The following STXBP6 variants were observed in gnomAD, a reference collection of about 807,000 sequenced individuals.
The protein encoded by STXBP6 is syntaxin binding protein 6, also known as syntaxin-binding protein 6.
A neutral mutation model predicts 26.9 loss-of-function variants in STXBP6; 21 were observed. The observed-to-expected ratio is 0.78, with a 90% CI of 0.55 to 1.12. The LOEUF is 1.12. STXBP6 is among the 50% of genes most tolerant of loss of function. The pLI is 0.00. For synonymous variants in STXBP6, 97 were observed against 92.6 expected, an observed-to-expected ratio of 1.05 and a Z score of -0.27; for missense variants, 232 against 257.9, an observed-to-expected ratio of 0.90 and a Z score of 0.69.
chr14:24,864,954 C>T (rs12878069), intron 2 of STXBP6, among the ~76,000 whole-genome samples: 24,161 of 152,056 alleles, frequency 0.16, 2,336 homozygotes, highest in Non-Finnish European at 0.23. Context: ...CTACTGTGTT[C>T]GACTGGGGAG....
intron 2 of STXBP6, among the ~76,000 whole-genome samples, chr14:24,967,604 C>T (rs1432552031): frequency 2.0e-5 from 3 of 152,210 alleles, no homozygotes; most frequent in African/African-American, 7.2e-5. Context: ...AACTCACAAT[C>T]AAGGCACTGA....
intron 1 of STXBP6, among the ~76,000 whole-genome samples, chr14:24,982,233 T>C (rs2074213863): frequency 6.6e-6 from 1 of 152,208 alleles, no homozygotes; most frequent in African/African-American, 2.4e-5. Context: ...CATATTCTTT[T>C]TTCAACTCCA....
intron 2 of STXBP6, among the ~76,000 whole-genome samples, chr14:24,864,386 C>T (rs1028505778): frequency 6.6e-6 from 1 of 152,102 alleles, no homozygotes; most frequent in African/African-American, 2.4e-5. Flanking sequence ...GCATATTTTA[C>T]CTAGAAGAGC....
At chr14:24,956,564 G>A (rs1462404303) in intron 2 of STXBP6, among the ~76,000 whole-genome samples, 2 of 152,134 alleles carry the variant, frequency 1.3e-5, no homozygotes, top group Admixed American at 1.3e-4. Flanking sequence ...CTCAGCTTAA[G>A]CCATCCCCAT....
chr14:24,969,046 T>G (rs1251428200), intron 2 of STXBP6, among the ~76,000 whole-genome samples: 2 of 152,114 alleles, frequency 1.3e-5, no homozygotes, highest in African/African-American at 4.8e-5. Context: ...ATCACTGAAA[T>G]AAAGGGCAGT....
At chr14:24,941,797 T>G (rs1020036288) in intron 2 of STXBP6, among the ~76,000 whole-genome samples, 23 of 152,194 alleles carry the variant, frequency 1.5e-4, no homozygotes, top group African/African-American at 5.5e-4. Flanking sequence ...GAGAGTGCCA[T>G]TGCATGTTCT....
At chr14:24,818,801 CAAGGTCAG>C in intron 5 of STXBP6, among the ~76,000 whole-genome samples, 1 of 152,188 alleles carries the variant, frequency 6.6e-6, no homozygotes, top group South Asian at 2.1e-4. Context: ...CCTAAAGATC[CAAGGTCAG>C]AAGGTCAGAG....
chr14:25,039,160 A>T (rs1463167980), intron 1 of STXBP6, among the ~76,000 whole-genome samples: 1 of 152,248 alleles, frequency 6.6e-6, no homozygotes, highest in East Asian at 1.9e-4. Flanking sequence ...TTAAAAATAA[A>T]TACAAAATTT....
At chr14:24,855,438 T>C (rs775257967) in intron 4 of STXBP6, among the ~76,000 whole-genome samples, 1 of 152,080 alleles carries the variant, frequency 6.6e-6, no homozygotes, top group Non-Finnish European at 1.5e-5. Context: ...AGTGGCTTAC[T>C]GTACTCATCC....
intron 1 of STXBP6, among the ~76,000 whole-genome samples, chr14:25,012,609 A>C (rs985488828): frequency 2.2e-4 from 34 of 152,320 alleles, no homozygotes; most frequent in East Asian, 1.3e-3. Context: ...CAAAAACAAA[A>C]AAACAAACAA....
chr14:24,889,984 G>A (rs2070734274), intron 2 of STXBP6, among the ~76,000 whole-genome samples: 2 of 152,198 alleles, frequency 1.3e-5, no homozygotes, highest in African/African-American at 4.8e-5. Flanking sequence ...ACTGCCTCCT[G>A]AAGTGGCAAA....
chr14:24,876,812 T>C (rs1246436578), intron 2 of STXBP6, among the ~76,000 whole-genome samples: 2 of 152,190 alleles, frequency 1.3e-5, no homozygotes, highest in Non-Finnish European at 1.5e-5. Flanking sequence ...TTTAAGAACA[T>C]TAAAAATTAG....
chr14:24,864,887 C>T (rs1251908608), intron 2 of STXBP6, among the ~76,000 whole-genome samples: 1 of 152,036 alleles, frequency 6.6e-6, no homozygotes. Flanking sequence ...AGGGATACAG[C>T]ACTGAAGTTC....
chr14:24,844,298 C>T (rs2068874543), intron 4 of STXBP6, among the ~76,000 whole-genome samples: 1 of 152,222 alleles, frequency 6.6e-6, no homozygotes, highest in East Asian at 1.9e-4. Context: ...CTTTATAATA[C>T]ACCTGTACAT....
At chr14:24,899,397 G>A (rs945604527) in intron 2 of STXBP6, among the ~76,000 whole-genome samples, 1 of 152,132 alleles carries the variant, frequency 6.6e-6, no homozygotes, top group Non-Finnish European at 1.5e-5. Context: ...GGAGAAATTA[G>A]GAGTGCTTTT....
intron 5 of STXBP6, chr14:24,815,905 A>C (rs1387805599): frequency 6.6e-6 from 1 of 152,114 alleles, no homozygotes; most frequent in Non-Finnish European, 1.5e-5. Context: ...GAGGTGGGGG[A>C]GTCAGTCTAG....
intron 4 of STXBP6, among the ~76,000 whole-genome samples, chr14:24,846,670 G>A (rs1200216675): frequency 2.6e-5 from 4 of 152,072 alleles, no homozygotes; most frequent in Admixed American, 2.6e-4. Flanking sequence ...GTGAAATCTG[G>A]TAACTCTAAT....
chr14:24,960,005 A>G (rs2073475731), intron 2 of STXBP6, among the ~76,000 whole-genome samples: 1 of 152,234 alleles, frequency 6.6e-6, no homozygotes, highest in South Asian at 2.1e-4. Context: ...TAATTGTCTC[A>G]GCCAGATTTC....
chr14:25,001,523 A>G lies in STXBP6; in HGVS notation c.-32-26673T>C, dbSNP rs141955472. On this transcript the variant is annotated intron_variant, in intron 1 of 5. Transcript: ENST00000323944. ...TTAGAGGGTTGGAACTTTCAGCTCC[A>G]CCATTCTTCATTTCGGTAACTGTGG... is the stretch of plus-strand genomic sequence containing the variant. 3.9e-5 allele frequency among the ~76,000 whole-genome samples: 6 copies of G among 152,302 alleles called. No homozygotes were observed. The East Asian group carries it at 9.6e-4, about 24-fold the overall frequency.
Sources: allele counts gnomAD v4.1 joint callset (sites outside exome capture counted in the v4.1 genomes callset), GRCh38; gene constraint gnomAD v4.1.1; transcripts MANE v1.5; gene names NCBI Gene and HGNC (gene_info 2026-07-23, HGNC 2026-07-21).